TARM1: variants seen among roughly 807,000 people sequenced by gnomAD.
TARM1 encodes T-cell-interacting, activating receptor on myeloid cells protein 1.
TARM1 carries 24 observed loss-of-function variants against 30.4 expected under a neutral mutation model. The observed-to-expected ratio is 0.79, with a 90% CI of 0.57 to 1.11. TARM1 has a LOEUF of 1.11. TARM1 is among the 50% of genes least tolerant of loss of function. The pLI is 0.00. For synonymous variants in TARM1, 129 were observed against 138.9 expected (o/e 0.93, Z 0.50); for missense variants, 323 against 332.8 (o/e 0.97, Z 0.23).
In TARM1 at chr19:54,070,036, A is replaced by T; in HGVS notation, c.783T>A (p.Ser261=). 6.4e-7 allele frequency: 1 copy of T among 1,551,534 alleles called. No homozygotes were observed. Among genetic ancestry groups the T allele is most frequent in the Non-Finnish European group, 8.7e-7 (1 of 1,146,952 alleles). The change falls in exon 5 of 5, where the codon TCT becomes TCA. Residue 261 remains serine, a synonymous_variant. Transcript: ENST00000432826. The stretch of plus-strand genomic sequence containing the variant: ...GTTTGAAGGCCTCTGATTCACCTGG[A>T]GACACATTCCGGCTGTACCAGGCCT... ...LVEAWYSRNV[S]PGESEAFKPE
chr19:54,074,515 T>C (rs2146211958), intron 3 of TARM1, among the ~76,000 whole-genome samples: 1 of 152,074 alleles, frequency 6.6e-6, no homozygotes, highest in African/African-American at 2.4e-5. Context: ...AAACCCTGTC[T>C]CTACTAAAAA....
chr19:54,080,136 G>GA lies in TARM1; in HGVS notation c.34+1170dup, dbSNP rs2072074908. On this transcript the variant is annotated intron_variant, in intron 1 of 4. Transcript: ENST00000432826. ...GGAAGGAAGGAAGGAAGGAAGGAAG[G>GA]AAGAAAGCAAGCAAGCAAGCAAGCA... 1.3e-3 allele frequency among the ~76,000 whole-genome samples: 81 copies of GA among 63,774 alleles called. 11 individuals are homozygous for GA. The highest frequency in any genetic ancestry group is 3.1e-3 in the South Asian group (5 of 1,600). 41.8% of individuals were successfully genotyped at this position (63,774 alleles called of 152,430 possible).
chr19:54,080,927 A>G (rs1315351737), intron 1 of TARM1, among the ~76,000 whole-genome samples: 1 of 152,054 alleles, frequency 6.6e-6, no homozygotes, highest in African/African-American at 2.4e-5. Context: ...AGCCGAGATC[A>G]CGCCATTGCA....
rs936939587 is a variant in TARM1, at chr19:54,070,141, C to T, written c.678G>A (p.Ser226=). 5.0e-5 allele frequency: 77 copies of T among 1,551,436 alleles called. No homozygotes were observed. Among genetic ancestry groups the T allele is most frequent in the Admixed American group, 2.4e-4 (12 of 50,948 alleles). ...CGAAGTTACCCAGGGAGTAGTTGCT[C>T]GATGTGGTACCTGGGGGAACTGAAA... The part of the protein sequence containing the change: ...ILVTVPPGTT[S]SNYSLGNFVR... Residue 226 remains serine (S), a synonymous_variant, in exon 5 of 5, where the codon TCG becomes TCA. Transcript: ENST00000432826.
rs1421534426 is a variant in TARM1 at position 54,075,021 on chromosome 19, C to A, written c.164G>T (p.Gly55Val). 3.9e-6 allele frequency: 6 copies of A among 1,551,548 alleles called. No individual in the cohort carries two copies. Among genetic ancestry groups the A allele is most frequent in the South Asian group, 3.6e-5 (3 of 84,046 alleles). The change falls in exon 3 of 5, where the codon GGT (glycine) becomes GTT (valine). Residue 55 changes from glycine to valine, a missense_variant. Physicochemically the swap from Gly to Val is moderately radical, Grantham distance 109 (BLOSUM62 -3). Transcript: ENST00000432826. Reference protein sequence around the residue: ...VTLRCWTPARGVSFVLRKGGI... With the variant: ...VTLRCWTPARVVSFVLRKGGI... ...TCCCTTCCTGAGAACAAAGCTCACACCTCTGGCAGGAGTCCAACATCGCAG... is the reference window on the plus strand; with the variant it reads ...TCCCTTCCTGAGAACAAAGCTCACAACTCTGGCAGGAGTCCAACATCGCAG...
chr19:54,076,088 C>T (rs2071943650), intron 1 of TARM1, 170 bp from the exon 2 acceptor site: 1 of 1,456,690 alleles, frequency 6.9e-7, no homozygotes, highest in African/African-American at 1.4e-5. Context: ...TGCTCGACTT[C>T]CAGCTCCTCC....
At chr19:54,072,855 G>A (rs1600199395) in intron 4 of TARM1, among the ~76,000 whole-genome samples, 1 of 151,906 alleles carries the variant, frequency 6.6e-6, no homozygotes, top group African/African-American at 2.4e-5. Flanking sequence ...GCGGGCACAT[G>A]TAATCCCAGC....
intron 1 of TARM1, among the ~76,000 whole-genome samples, chr19:54,077,053 A>G (rs1282060283): frequency 6.6e-6 from 1 of 151,856 alleles, no homozygotes; most frequent in Non-Finnish European, 1.5e-5. Flanking sequence ...CTCCTTTTTA[A>G]TTTTTTTTGA....
intron 4 of TARM1, among the ~76,000 whole-genome samples, chr19:54,072,964 C>T (rs8101663): frequency 0.12 from 18,563 of 151,710 alleles, 1,203 homozygotes; most frequent in Middle Eastern, 0.22. Context: ...GGCAACAGAG[C>T]GAGACTCTGT....
At chr19:54,080,504 A>G (rs375563478) in intron 1 of TARM1, among the ~76,000 whole-genome samples, 1,039 of 78,064 alleles carry the variant, frequency 0.013, 8 homozygotes, top group South Asian at 0.045. Context: ...GGGAGGAAGG[A>G]AGGAAGGAAG....
At chr19:54,073,831 G>A in intron 4 of TARM1, 89 bp downstream of exon 4, 1 of 1,422,594 alleles carries the variant, frequency 7.0e-7, no homozygotes, top group South Asian at 1.3e-5. Context: ...GATATTGTAA[G>A]TAATGAAGAA....
At position 54,076,263 on chromosome 19, in the gene TARM1, T is replaced by A. The variant is rs188225524; in HGVS notation, c.35-345A>T. The A allele has an allele frequency of 3.0e-5, 44 of 1,478,362 alleles. No homozygotes were observed. The African/African-American group carries it at 4.6e-4, about 15-fold the overall frequency. 91.6% of individuals were successfully genotyped at this position (1,478,362 alleles called of 1,614,324 possible). On this transcript the variant is annotated intron_variant, in intron 1 of 4. Coordinates refer to ENST00000432826, the MANE Select transcript of TARM1 (RefSeq NM_001135686.3). ...TTTCTTTCCTTTCTTTCTTTCTTTTTTCTTTCTTTCATTCATTCTTTCTTT... is the reference window on the plus strand; with the variant it reads ...TTTCTTTCCTTTCTTTCTTTCTTTTATCTTTCTTTCATTCATTCTTTCTTT...
chr19:54,075,752 C>T (rs2071934480), intron 2 of TARM1, 131 bp downstream of exon 2: 1 of 1,021,484 alleles, frequency 9.8e-7, no homozygotes, highest in African/African-American at 1.6e-5. Context: ...GAGATTGCAC[C>T]ACCGCACTCC....
chr19:54,080,468 A>AAAAAAG (rs1555775702), intron 1 of TARM1, among the ~76,000 whole-genome samples: 7 of 110,962 alleles, frequency 6.3e-5, no homozygotes, highest in Admixed American at 1.0e-4. Flanking sequence ...AAAAAAAAAA[A>AAAAAAG]AAAGAAAGAG....
rs2072076392 is a variant in TARM1, at chr19:54,080,140, A to AAGAAAGC, written c.34+1166_34+1167insGCTTTCT. 6.7e-4 allele frequency among the ~76,000 whole-genome samples: 54 copies of AAGAAAGC among 80,226 alleles called. 1 individual carries two copies. Among genetic ancestry groups the AAGAAAGC allele is most frequent in the Non-Finnish European group, 1.2e-3 (44 of 37,114 alleles). 52.6% of individuals were successfully genotyped at this position (80,226 alleles called of 152,430 possible). ...GGAAGGAAGGAAGGAAGGAAGGAAG[A>AAGAAAGC]AAGCAAGCAAGCAAGCAAGCAAGCA... On this transcript the variant is annotated intron_variant, in intron 1 of 4. Coordinates refer to ENST00000432826, the MANE Select transcript of TARM1 (RefSeq NM_001135686.3).
intron 1 of TARM1, among the ~76,000 whole-genome samples, chr19:54,078,910 C>T (rs766425020): frequency 1.3e-5 from 2 of 151,870 alleles, no homozygotes; most frequent in African/African-American, 2.4e-5. Flanking sequence ...CAAAAAAGAA[C>T]AAGTGTTATG....
intron 1 of TARM1, among the ~76,000 whole-genome samples, chr19:54,080,074 T>G (rs1464846317): frequency 4.3e-3 from 241 of 56,384 alleles, no homozygotes; most frequent in African/African-American, 6.8e-3. Context: ...AAGGAAGGAA[T>G]GAAGGAGAAA....
chr19:54,076,133 G>A, intron 1 of TARM1: 1 of 1,477,838 alleles, frequency 6.8e-7, no homozygotes, highest in South Asian at 1.3e-5. Flanking sequence ...ACCATCCTGT[G>A]TGGCTGTCAC....
chr19:54,078,536 G>T (rs143051826), intron 1 of TARM1, among the ~76,000 whole-genome samples: 1 of 151,962 alleles, frequency 6.6e-6, no homozygotes, highest in Non-Finnish European at 1.5e-5. Flanking sequence ...CCGCCACCAC[G>T]CATGGCTAAT....
Sources: gnomAD v4.1 joint callset for allele counts (sites outside exome capture counted in the v4.1 genomes callset) on GRCh38, gnomAD v4.1.1 for gene constraint, MANE v1.5 for transcripts, NCBI Gene and HGNC (gene_info 2026-07-23, HGNC 2026-07-21) for gene names.